Variants in PCNX2 observed in about 807,000 individuals in gnomAD.
The protein encoded by PCNX2 is pecanex 2.
Under a neutral mutation model 223.8 loss-of-function variants are expected in PCNX2, and 168 were observed. The observed-to-expected ratio is 0.75, with a 90% CI of 0.66 to 0.85. The LOEUF is 0.85. Ranked by LOEUF, PCNX2 falls within the 40% of genes least tolerant of loss-of-function variation. The pLI, the probability that PCNX2 is intolerant of heterozygous loss-of-function variation, is 0.00. For synonymous variants in PCNX2, 1,006 were observed against 1,052.6 expected (o/e 0.96, Z 0.86); for missense variants, 2,507 against 2,675.5 (o/e 0.94, Z 1.39).
intron 25 of PCNX2, among the ~76,000 whole-genome samples, chr1:233,030,902 C>G (rs6656972): frequency 0.18 from 27,363 of 152,192 alleles, 2,623 homozygotes; most frequent in African/African-American, 0.25. Flanking sequence ...TCTGCAGCTC[C>G]TCTTTGCAAT....
chr1:233,279,389 T>TTGAG (rs1661072141), intron 1 of PCNX2, among the ~76,000 whole-genome samples: 1 of 142,592 alleles, frequency 7.0e-6, no homozygotes, highest in Non-Finnish European at 1.5e-5. Flanking sequence ...TAATTTGTGT[T>TTGAG]TGTGTGTGTG....
intron 3 of PCNX2, among the ~76,000 whole-genome samples, chr1:233,261,597 T>C (rs1478241517): frequency 2.6e-5 from 4 of 152,142 alleles, no homozygotes; most frequent in Non-Finnish European, 2.9e-5. Flanking sequence ...CTACTTACAC[T>C]ATAGTGAATG....
intron 9 of PCNX2, among the ~76,000 whole-genome samples, chr1:233,235,365 A>G (rs1658322756): frequency 6.6e-6 from 1 of 152,114 alleles, no homozygotes. Context: ...AGCTCACTGC[A>G]GCCTTGAACT....
chr1:233,025,350 C>G lies in PCNX2; in HGVS notation c.4401G>C (p.Glu1467Asp). 6.2e-7 allele frequency: 1 copy of G among 1,614,010 alleles called. No homozygotes were observed. The highest frequency in any genetic ancestry group is 1.1e-5 in the South Asian group (1 of 91,084). The part of the protein sequence containing the change: ...REVEAIMEGD[E>D]EDRGCCCCKP... ...TGCAGCAGCAGCAGCCTCTGTCCTC[C>G]TCGTCGCCCTCCATGATGGCTTCTA... is the stretch of plus-strand genomic sequence containing the variant. Residue 1467 changes from glutamate (E) to aspartate (D), a missense_variant, in exon 26 of 34, where the codon GAG (glutamate) becomes GAC (aspartate). By Grantham distance (45) the Glu-to-Asp change is conservative. Around this residue, in one of 3 missense-constraint regions of PCNX2, gnomAD observed 1,372 missense variants for 1,509.4 expected, o/e 0.91. Transcript: ENST00000258229.
chr1:233,263,005 T>C lies in PCNX2; in HGVS notation c.312A>G (p.Lys104=), dbSNP rs758919547. The C allele has an allele frequency of 1.9e-6, 3 of 1,613,776 alleles. No individual in the cohort carries two copies. The highest frequency in any genetic ancestry group is 4.5e-5 in the East Asian group (2 of 44,826). The change falls in exon 2 of 34, where the codon AAA becomes AAG. Residue 104 remains lysine (K), a synonymous_variant. Coordinates refer to ENST00000258229, the MANE Select transcript of PCNX2 (RefSeq NM_014801.4). ...KPSRKEEKPN[K]DKEAKGEHIT... ...TGTGTTCACCTTTGGCCTCCTTGTC[T>C]TTATTTGGCTTTTCTTCCTTTCTGG...
chr1:233,198,865 AC>A, intron 15 of PCNX2, 73 bp downstream of exon 15: 1 of 1,382,752 alleles, frequency 7.2e-7, no homozygotes, highest in African/African-American at 1.4e-5. Flanking sequence ...TTTGGAAAAA[AC>A]ATTCATTTGT....
intron 9 of PCNX2, among the ~76,000 whole-genome samples, chr1:233,236,231 C>A (rs1160319891): frequency 6.6e-6 from 1 of 151,980 alleles, no homozygotes; most frequent in African/African-American, 2.4e-5. Flanking sequence ...GCAGCTCTAA[C>A]TTCATGTCTG....
chr1:233,283,873 C>G (rs966588403), intron 1 of PCNX2, among the ~76,000 whole-genome samples: 13 of 152,154 alleles, frequency 8.5e-5, no homozygotes, highest in African/African-American at 3.1e-4. Context: ...CCAGGTTTCA[C>G]TCCACAGATT....
chr1:233,270,736 G>A (rs576951808), intron 1 of PCNX2, among the ~76,000 whole-genome samples: 4 of 152,092 alleles, frequency 2.6e-5, no homozygotes, highest in Non-Finnish European at 5.9e-5. Flanking sequence ...ATTTTGTTGA[G>A]CTCCTGGACC....
At chr1:233,188,117 A>T (rs1388442508) in intron 15 of PCNX2, among the ~76,000 whole-genome samples, 1 of 152,224 alleles carries the variant, frequency 6.6e-6, no homozygotes, top group Non-Finnish European at 1.5e-5. Context: ...TTCCTAGGTC[A>T]GGTGCTTGAG....
At chr1:233,322,874 A>G in the PCNX2 span, among the ~76,000 whole-genome samples, 3 of 151,780 alleles carry the variant, frequency 2.0e-5, no homozygotes, top group African/African-American at 7.3e-5. Context: ...GATTTCCTCT[A>G]CCCTTCTTCG....
At chr1:233,284,923 T>A (rs1252419155) in intron 1 of PCNX2, 8 of 970,886 alleles carry the variant, frequency 8.2e-6, no homozygotes, top group Non-Finnish European at 9.8e-6. Flanking sequence ...ATGGGGGGGA[T>A]GATAGCAAGT....
chr1:233,037,033 T>A (rs1240808887), intron 25 of PCNX2, among the ~76,000 whole-genome samples: 1 of 152,218 alleles, frequency 6.6e-6, no homozygotes, highest in Non-Finnish European at 1.5e-5. Context: ...GTAGGAGCCA[T>A]GACTACTGCC....
At chr1:233,058,930 T>C (rs753673360) in intron 23 of PCNX2, among the ~76,000 whole-genome samples, 6 of 152,218 alleles carry the variant, frequency 3.9e-5, no homozygotes, top group Non-Finnish European at 7.3e-5. Flanking sequence ...CCCAAAGTGC[T>C]GGGATTACAG....
intron 25 of PCNX2, among the ~76,000 whole-genome samples, chr1:233,027,199 T>C (rs896295689): frequency 6.6e-6 from 1 of 152,172 alleles, no homozygotes; most frequent in Non-Finnish European, 1.5e-5. Context: ...ACAGGTCAAA[T>C]TACATGAAGA....
chr1:232,987,055 GGAGAGCT>G (rs972390510), intron 32 of PCNX2, among the ~76,000 whole-genome samples: 2 of 152,232 alleles, frequency 1.3e-5, no homozygotes, highest in African/African-American at 4.8e-5. Flanking sequence ...AGAAAGGGGA[GGAGAGCT>G]GAAAGCCCAT....
In PCNX2 at chr1:233,017,094, G is replaced by C. The variant is rs1440825075; in HGVS notation, c.4666C>G (p.Leu1556Val). 1 of 1,613,754 alleles carries C rather than the reference G, an allele frequency of 6.2e-7. No homozygotes were observed. The highest frequency in any genetic ancestry group is 8.5e-7 in the Non-Finnish European group (1 of 1,179,646). Residue 1556 changes from leucine to valine, a missense_variant, in exon 27 of 34, where the codon CTT becomes GTT. Coordinates refer to ENST00000258229, the MANE Select transcript of PCNX2 (RefSeq NM_014801.4). The part of the protein sequence containing the change: ...KLLSWIKNES[L>V]LKSLQPFAKW... ...GCAAAGGGCTGCAGGGACTTCAGAAGTGATTCATTTTTGATCCAGGAGAGG... is the reference window on the plus strand; with the variant it reads ...GCAAAGGGCTGCAGGGACTTCAGAACTGATTCATTTTTGATCCAGGAGAGG...
the PCNX2 span, among the ~76,000 whole-genome samples, chr1:233,321,013 CTTTTTTTTTTTTTTTT>C: frequency 1.4e-5 from 1 of 70,364 alleles, no homozygotes; most frequent in South Asian, 6.6e-4. Context: ...AAAATGTCTT[CTTTTTTTTTTTTTTTT>C]TTTTTTTTTG....
intron 12 of PCNX2, among the ~76,000 whole-genome samples, chr1:233,214,837 G>A (rs1367997423): frequency 6.6e-6 from 1 of 152,072 alleles, no homozygotes; most frequent in Non-Finnish European, 1.5e-5. Flanking sequence ...CATACCTGTT[G>A]CCATGCTATT....
Sources: gnomAD v4.1 joint callset for allele counts (sites outside exome capture counted in the v4.1 genomes callset) on GRCh38, gnomAD v4.1.1 for gene constraint, gnomAD v4.1.1 regional missense constraint, MANE v1.5 for transcripts, NCBI Gene and HGNC (gene_info 2026-07-23, HGNC 2026-07-21) for gene names.